VASH1: variants seen among roughly 807,000 people sequenced by gnomAD.
The protein encoded by VASH1 is vasohibin 1.
In VASH1, 16 loss-of-function variants were observed where a neutral mutation model predicts 35.0. The ratio of observed to expected loss-of-function variants is 0.46; its 90% CI spans 0.31 to 0.70. The LOEUF (loss-of-function observed/expected upper bound fraction) is 0.70. Among genes scored for constraint, VASH1 ranks in the 30% least tolerant of loss-of-function variants. The pLI is 0.05. For missense variants in VASH1, 505 were observed against 510.7 expected, an observed-to-expected ratio of 0.99 and a Z score of 0.11; for synonymous variants, 214 against 200.9, an observed-to-expected ratio of 1.07 and a Z score of -0.55.
chr14:76,762,681 T>G lies in VASH1; in HGVS notation c.-141T>G. 3.1e-6 allele frequency: 2 copies of G among 655,302 alleles called. No individual in the cohort carries two copies. Among genetic ancestry groups the G allele is most frequent in the Middle Eastern group, 4.7e-4 (1 of 2,132 alleles). The allele number at this position is 655,302 out of a possible 1,614,324, so 40.6% of individuals were successfully genotyped here. A position where few individuals can be genotyped will look rare whatever the true frequency, so the allele number is the denominator to read the frequency against. Reference sequence around the variant, plus strand: ...ACTGATTTTTTTTATCAAGTCGTATTTTATTGTACAGGAGCCACGCCCTGA... The same window carrying G: ...ACTGATTTTTTTTATCAAGTCGTATGTTATTGTACAGGAGCCACGCCCTGA... On this transcript the variant is annotated 5_prime_UTR_variant, in exon 1 of 7. It adds an upstream start codon to the 5' untranslated region. Coordinates refer to ENST00000167106, the MANE Select transcript of VASH1 (RefSeq NM_014909.5).
chr14:76,769,833 C>T lies in VASH1; in HGVS notation c.310-130C>T, dbSNP rs551365726. 8.3e-5 allele frequency: 74 copies of T among 888,094 alleles called. No homozygotes were observed. In the African/African-American group the frequency reaches 1.2e-3, roughly 14 times the overall value. 55.0% of individuals were successfully genotyped at this position (888,094 alleles called of 1,614,324 possible). A position where few individuals can be genotyped will look rare whatever the true frequency, so the allele number is the denominator to read the frequency against. ...GAGTGGGGTGCCAAGAAAGGAAGCT[C>T]AAGTGGGAGGGAGGGGAGGCTGTGC... On this transcript the variant is annotated intron_variant, in intron 1 of 6. Transcript: ENST00000167106.
intron 1 of VASH1, among the ~76,000 whole-genome samples, chr14:76,766,220 A>G (rs1301699769): frequency 6.6e-6 from 1 of 152,160 alleles, no homozygotes; most frequent in African/African-American, 2.4e-5. Context: ...TAGGGCAACA[A>G]TTTCTAGAAA....
intron 1 of VASH1, chr14:76,769,357 G>GAGCTAC (rs1294304947): frequency 7.8e-7 from 1 of 1,289,064 alleles, no homozygotes. Flanking sequence ...CCCAGCCACA[G>GAGCTAC]AGCTACAGCA....
chr14:76,772,909 G>A (rs1264777466), intron 3 of VASH1, among the ~76,000 whole-genome samples: 1 of 152,226 alleles, frequency 6.6e-6, no homozygotes, highest in African/African-American at 2.4e-5. Flanking sequence ...AGAGCAGGGA[G>A]AGTGGGCCTC....
intron 6 of VASH1, among the ~76,000 whole-genome samples, chr14:76,778,575 AG>A (rs1269556366): frequency 6.6e-6 from 1 of 152,192 alleles, no homozygotes; most frequent in Non-Finnish European, 1.5e-5. Flanking sequence ...GTATGAATTC[AG>A]GGGTGGGGTA....
chr14:76,762,807 C>G lies in VASH1; in HGVS notation c.-15C>G, dbSNP rs774583475. The G allele has an allele frequency of 2.7e-5, 40 of 1,459,510 alleles. No individual in the cohort carries two copies. The highest frequency in any genetic ancestry group is 8.1e-5 in the Admixed American group (3 of 36,886). 90.4% of individuals were successfully genotyped at this position (1,459,510 alleles called of 1,614,324 possible). ...TTGTTTTCCCGCCTCCACCACCCCC[C>G]TCGAAGATTTAGGGATGCCAGGGGG... On this transcript the variant is annotated 5_prime_UTR_variant, in exon 1 of 7. Transcript: ENST00000167106.
In VASH1 at chr14:76,761,945, C is replaced by G. The variant is rs1019295230; in HGVS notation, c.-877C>G. Among the ~76,000 whole-genome samples the G allele has an allele frequency of 7.9e-5, 12 of 151,880 alleles. No homozygotes were observed. The highest frequency in any genetic ancestry group is 1.6e-4 in the Non-Finnish European group (11 of 67,920). The stretch of plus-strand genomic sequence containing the variant: ...GCTGAGCCGCGGGCCCCGTGCCCTG[C>G]GATGGCTCGGCTGGTGCAGCGCGGC... On this transcript the variant is annotated 5_prime_UTR_variant, in exon 1 of 7. Transcript: ENST00000167106.
chr14:76,765,310 G>T (rs898315937), intron 1 of VASH1, among the ~76,000 whole-genome samples: 16 of 152,194 alleles, frequency 1.1e-4, no homozygotes, highest in African/African-American at 3.9e-4. Flanking sequence ...GGGCTGTGTT[G>T]TGACAGACCC....
At chr14:76,771,281 C>G (rs145320337) in intron 3 of VASH1, 35 bp downstream of exon 3, 1 of 1,560,650 alleles carries the variant, frequency 6.4e-7, no homozygotes, top group South Asian at 1.2e-5. Context: ...TGCCCCAGGG[C>G]TGGCTTGGAG....
At chr14:76,764,631 G>T (rs985237876) in intron 1 of VASH1, among the ~76,000 whole-genome samples, 2 of 151,418 alleles carry the variant, frequency 1.3e-5, no homozygotes, top group African/African-American at 4.9e-5. Flanking sequence ...GTGTGTTAAA[G>T]TATTTAACAA....
Position 76,773,164 on chromosome 14 carries a change from C to T in VASH1, c.483C>T (p.Thr161=). Residue 161 remains threonine, a synonymous_variant, in exon 4 of 7, where the codon ACC becomes ACT. Transcript: ENST00000167106. ...TGATGGACCTGGCCAAGGAAATGAC[C>T]AAAGAGGCCCTGCCAATCAAATGCC... The part of the protein sequence containing the change: ...TGLMDLAKEM[T]KEALPIKCLE... 5 of 1,614,052 alleles carry T rather than the reference C, an allele frequency of 3.1e-6. No individual in the cohort carries two copies. Among genetic ancestry groups the T allele is most frequent in the Non-Finnish European group, 4.2e-6 (5 of 1,179,960 alleles).
At chr14:76,767,185 C>T (rs1049065332) in intron 1 of VASH1, among the ~76,000 whole-genome samples, 1 of 151,766 alleles carries the variant, frequency 6.6e-6, no homozygotes, top group Admixed American at 6.6e-5. Context: ...ATGAGGTTTT[C>T]AGTGAGCCGA....
At chr14:76,767,011 G>A (rs1027788196) in intron 1 of VASH1, among the ~76,000 whole-genome samples, 5 of 151,984 alleles carry the variant, frequency 3.3e-5, no homozygotes, top group Non-Finnish European at 5.9e-5. Flanking sequence ...TTGGGAGGTC[G>A]AAGCAGGTGG....
chr14:76,765,196 A>T lies in VASH1; in HGVS notation c.309+2066A>T, dbSNP rs538384044. Among the ~76,000 whole-genome samples the T allele has an allele frequency of 2.1e-5, 3 of 145,570 alleles. No individual in the cohort carries two copies. In the Admixed American group the frequency reaches 2.1e-4, roughly 10 times the overall value. ...AGAACTGCCACCACTCCTGGGAACT[A>T]AAAAAGAAATAGTGAGCTCACTAGT... is the stretch of plus-strand genomic sequence containing the variant. On this transcript the variant is annotated intron_variant, in intron 1 of 6. Coordinates refer to ENST00000167106, the MANE Select transcript of VASH1 (RefSeq NM_014909.5).
chr14:76,776,351 G>A (rs950491896), intron 5 of VASH1, 78 bp downstream of exon 5: 52 of 1,450,024 alleles, frequency 3.6e-5, no homozygotes, highest in Non-Finnish European at 2.4e-5. Context: ...AGGATTGAGA[G>A]GACTGGGGAG....
intron 1 of VASH1, among the ~76,000 whole-genome samples, chr14:76,767,399 C>G (rs185847260): frequency 6.7e-4 from 102 of 152,256 alleles, no homozygotes; most frequent in Admixed American, 2.2e-3. Context: ...CAGCTGCAAG[C>G]TCTCCCCACC....
chr14:76,772,244 G>A (rs1308934838), intron 3 of VASH1, among the ~76,000 whole-genome samples: 1 of 151,920 alleles, frequency 6.6e-6, no homozygotes, highest in Non-Finnish European at 1.5e-5. Flanking sequence ...TGTCTCAAAA[G>A]AAAAGAAAAA....
Position 76,776,210 on chromosome 14 carries a change from G to A in VASH1, c.849G>A (p.Glu283=), listed in dbSNP as rs1893937157. 6.2e-7 allele frequency: 1 copy of A among 1,609,730 alleles called. No individual in the cohort carries two copies. Among genetic ancestry groups the A allele is most frequent in the African/African-American group, 1.3e-5 (1 of 74,924 alleles). ...GGAAGCACTCGGTGCTGGACGTGGA[G>A]CGCCTGGGCCGCGATGACTTCCGCA... ...IEWKHSVLDV[E]RLGRDDFRKE... The change falls in exon 5 of 7, where the codon GAG becomes GAA. Residue 283 remains glutamate, a synonymous_variant. Coordinates refer to ENST00000167106, the MANE Select transcript of VASH1 (RefSeq NM_014909.5).
intron 4 of VASH1, among the ~76,000 whole-genome samples, chr14:76,775,406 G>A (rs534533791): frequency 6.6e-6 from 1 of 152,244 alleles, no homozygotes; most frequent in African/African-American, 2.4e-5. Flanking sequence ...CCAGGCCTCA[G>A]TAGTACACGT....
Sources: gnomAD v4.1 joint callset for allele counts (sites outside exome capture counted in the v4.1 genomes callset) on GRCh38, gnomAD v4.1.1 for gene constraint, MANE v1.5 for transcripts, NCBI Gene and HGNC (gene_info 2026-07-23, HGNC 2026-07-21) for gene names.